Variants in SMARCA2 observed in about 807,000 individuals in gnomAD.
The protein encoded by SMARCA2 is SWI/SNF-related matrix-associated actin-dependent regulator of chromatin subfamily A member 2.
A neutral mutation model predicts 199.8 loss-of-function variants in SMARCA2; 61 were observed. That is an observed-to-expected ratio of 0.31 (90% CI 0.25 to 0.38). The LOEUF is 0.38. Ranked by LOEUF, SMARCA2 falls within the 10% of genes least tolerant of loss-of-function variation. SMARCA2 has a pLI of 1.00. For missense variants in SMARCA2, 1,344 were observed against 2,012.2 expected, an observed-to-expected ratio of 0.67 and a Z score of 6.35; for synonymous variants, 935 against 732.0, an observed-to-expected ratio of 1.28 and a Z score of -4.48.
intron 27 of SMARCA2, among the ~76,000 whole-genome samples, chr9:2,151,645 ATC>A (rs1295300264): frequency 3.3e-5 from 5 of 152,114 alleles, no homozygotes; most frequent in Non-Finnish European, 7.4e-5. Context: ...AGACATGAGA[ATC>A]TCTTGAACCC....
intron 14 of SMARCA2, among the ~76,000 whole-genome samples, chr9:2,079,320 C>T (rs1821463119): frequency 6.6e-6 from 1 of 152,180 alleles, no homozygotes; most frequent in Admixed American, 6.5e-5. Flanking sequence ...CACCAATTAA[C>T]ATCCTGTAAG....
rs1483238808 is a variant in SMARCA2 at position 2,170,470 on chromosome 9, C to G, written c.4251C>G (p.Asn1417Lys). The G allele has an allele frequency of 6.2e-7, 1 of 1,613,992 alleles. No individual in the cohort carries two copies. Among genetic ancestry groups the G allele is most frequent in the African/African-American group, 1.3e-5 (1 of 74,932 alleles). The change falls in exon 29 of 34, where the codon AAC (asparagine) becomes AAG (lysine). Residue 1417 changes from asparagine (N) to lysine (K), a missense_variant and splice_region_variant. By Grantham distance (94) the Asn-to-Lys change is moderately conservative. Coordinates refer to ENST00000349721, the MANE Select transcript of SMARCA2 (RefSeq NM_003070.5). The surrounding 1 kb of genome is among the most constrained non-coding windows in gnomAD (Gnocchi z 4.7). ...PSNSQLEIEG[N>K]SSGRQLSEVF... ...ATTCTCAGTTGGAAATAGAAGGAAA[C>G]AGGTCAGGATCTGTCTTGTATTCCC...
intron 32 of SMARCA2, among the ~76,000 whole-genome samples, chr9:2,189,930 G>A (rs1439472251): frequency 1.3e-5 from 2 of 152,292 alleles, no homozygotes; most frequent in East Asian, 3.9e-4. Flanking sequence ...TCCTTCTGGA[G>A]CTAGGATTCC....
At chr9:2,148,959 G>A (rs1299387419) in intron 27 of SMARCA2, among the ~76,000 whole-genome samples, 1 of 151,544 alleles carries the variant, frequency 6.6e-6, no homozygotes, top group Non-Finnish European at 1.5e-5. Flanking sequence ...TGTATTACCA[G>A]CAAAACGGCT....
At chr9:2,089,247 A>G (rs1274109870) in intron 19 of SMARCA2, among the ~76,000 whole-genome samples, 1 of 152,186 alleles carries the variant, frequency 6.6e-6, no homozygotes, top group Non-Finnish European at 1.5e-5. Flanking sequence ...TTGAGCCCTT[A>G]GCTCCATGTT....
At chr9:2,018,959 T>C (rs555713300) in intron 1 of SMARCA2, among the ~76,000 whole-genome samples, 1 of 152,358 alleles carries the variant, frequency 6.6e-6, no homozygotes, top group Non-Finnish European at 1.5e-5. Context: ...AGTTGCTGCA[T>C]TGTTATGCAA....
chr9:2,136,730 C>G lies in SMARCA2; in HGVS notation c.3981+12793C>G, dbSNP rs1824212835. Among the ~76,000 whole-genome samples, 3 of 152,114 alleles carry G rather than the reference C, an allele frequency of 2.0e-5. No homozygotes were observed. In the South Asian group the frequency reaches 6.2e-4, roughly 32 times the overall value. ...ATAGAGGTAATATTGCACAGTTAGC[C>G]ACCTTGAAGAGCTTGTCAAGAGCAG... is the stretch of plus-strand genomic sequence containing the variant. On this transcript the variant is annotated intron_variant, in intron 27 of 33. Transcript: ENST00000349721.
chr9:2,145,071 G>A (rs1018953483), intron 27 of SMARCA2, among the ~76,000 whole-genome samples: 4 of 152,128 alleles, frequency 2.6e-5, no homozygotes, highest in South Asian at 2.1e-4. Context: ...AGGCCTAGGC[G>A]GACGGATCAC....
At chr9:2,070,732 C>T (rs773042942) in intron 10 of SMARCA2, among the ~76,000 whole-genome samples, 5 of 152,096 alleles carry the variant, frequency 3.3e-5, no homozygotes, top group African/African-American at 4.8e-5. Context: ...CACATATAAT[C>T]GTATGTTTAC....
rs1480629094 is a variant in SMARCA2, at chr9:2,016,594, T to C, written c.-37+1190T>C. ...CCGGATAATCCTGTCTGCCTGACTG[T>C]CACAAACAGGACCCGCGCACCACCG... On this transcript the variant is annotated intron_variant, in intron 1 of 33. Coordinates refer to ENST00000349721, the MANE Select transcript of SMARCA2 (RefSeq NM_003070.5). The surrounding 1 kb of genome is among the most constrained non-coding windows in gnomAD (Gnocchi z 5.6). 1.4e-5 allele frequency among the ~76,000 whole-genome samples: 2 copies of C among 146,968 alleles called. No individual in the cohort carries two copies. The highest frequency in any genetic ancestry group is 1.4e-4 in the Admixed American group (2 of 14,562).
chr9:2,031,150 G>A (rs774944453), intron 2 of SMARCA2, among the ~76,000 whole-genome samples: 2 of 151,868 alleles, frequency 1.3e-5, no homozygotes, highest in Non-Finnish European at 2.9e-5. Flanking sequence ...TAATTACTCT[G>A]TAACTTTCTT....
chr9:2,036,379 T>C (rs1819333646), intron 3 of SMARCA2, among the ~76,000 whole-genome samples: 1 of 152,032 alleles, frequency 6.6e-6, no homozygotes, highest in African/African-American at 2.4e-5. Flanking sequence ...AATGAGCAAA[T>C]CAAAGAAGAT....
At chr9:2,138,599 C>T (rs1824318167) in intron 27 of SMARCA2, among the ~76,000 whole-genome samples, 1 of 152,210 alleles carries the variant, frequency 6.6e-6, no homozygotes. Context: ...ACAGCTGCCT[C>T]TGATAACTTA....
At chr9:2,158,632 C>CA in intron 27 of SMARCA2, 2 of 269,448 alleles carry the variant, frequency 7.4e-6, no homozygotes, top group Non-Finnish European at 1.4e-5. Context: ...AGTACTTTAG[C>CA]ATTGTGTAGC....
chr9:2,108,478 T>C (rs1291277387), intron 23 of SMARCA2, among the ~76,000 whole-genome samples: 2 of 152,332 alleles, frequency 1.3e-5, no homozygotes, highest in South Asian at 2.1e-4. Context: ...CTGGTTCATT[T>C]TCAGTTAATC....
intron 31 of SMARCA2, among the ~76,000 whole-genome samples, chr9:2,183,857 T>TA (rs1356007193): frequency 6.6e-6 from 1 of 152,198 alleles, no homozygotes; most frequent in African/African-American, 2.4e-5. Flanking sequence ...AGTCTCTGGA[T>TA]AGATATTTGG....
At chr9:2,070,183 C>G (rs144804879) in intron 9 of SMARCA2, among the ~76,000 whole-genome samples, 3 of 152,316 alleles carry the variant, frequency 2.0e-5, no homozygotes, top group African/African-American at 7.2e-5. Flanking sequence ...ATCTACAAAT[C>G]TCTAGTGTGC....
chr9:2,187,560 C>T (rs748896238), intron 32 of SMARCA2, among the ~76,000 whole-genome samples: 1 of 152,032 alleles, frequency 6.6e-6, no homozygotes, highest in Non-Finnish European at 1.5e-5. Context: ...TGTCTATAGT[C>T]CCAGCTACTC....
Position 2,161,908 on chromosome 9 carries a change from GTGTT to G in SMARCA2, c.4199+8_4199+11del. ...TGTGATAAACTACAAAGATAGGTGA[GTGTT>G]TGGTTCCTTCACCTTGATCATCTCT... On this transcript the variant is annotated splice_donor_region_variant and intron_variant, in intron 28 of 33. Transcript: ENST00000349721. The surrounding 1 kb of genome is among the most constrained non-coding windows in gnomAD (Gnocchi z 4.7). The G allele has an allele frequency of 6.2e-7, 1 of 1,609,522 alleles. No individual in the cohort carries two copies. The highest frequency in any genetic ancestry group is 8.5e-7 in the Non-Finnish European group (1 of 1,176,128).
Sources: allele counts gnomAD v4.1 joint callset (sites outside exome capture counted in the v4.1 genomes callset), GRCh38; gene constraint gnomAD v4.1.1; non-coding constraint Gnocchi (gnomAD v3.1); transcripts MANE v1.5; gene names NCBI Gene and HGNC (gene_info 2026-07-23, HGNC 2026-07-21).